Variants in RALGPS1 observed in about 807,000 individuals in gnomAD.
RALGPS1 encodes ras-specific guanine nucleotide-releasing factor RalGPS1.
Under a neutral mutation model 78.8 loss-of-function variants are expected in RALGPS1, and 19 were observed. The observed-to-expected ratio is 0.24, with a 90% CI of 0.17 to 0.35. The LOEUF is 0.35. RALGPS1 is among the 10% of genes least tolerant of loss of function. The probability of loss-of-function intolerance (pLI) is 1.00; values close to 1 mark genes in which losing one functional copy is unlikely to be tolerated. For missense variants in RALGPS1, 454 were observed against 688.3 expected (o/e 0.66, Z 3.81); for synonymous variants, 228 against 256.3 (o/e 0.89, Z 1.06).
At position 127,220,845 on chromosome 9, in the gene RALGPS1, C is replaced by T. The variant is rs1052679407; in HGVS notation, c.*2076C>T. ...AGTATTATAGATGCCAATCCAAAAC[C>T]TCAGAATTTCAGGCACCACAAAAAC... On this transcript the variant is annotated 3_prime_UTR_variant, in exon 19 of 19. Coordinates refer to ENST00000259351, the MANE Select transcript of RALGPS1 (RefSeq NM_014636.3). The T allele has an allele frequency of 1.4e-4, 22 of 152,690 alleles. No individual in the cohort carries two copies. Among genetic ancestry groups the T allele is most frequent in the Admixed American group, 1.4e-3 (21 of 15,294 alleles). 9.5% of individuals were successfully genotyped at this position (152,690 alleles called of 1,614,324 possible).
At chr9:127,191,200 G>A (rs1263141195) in intron 11 of RALGPS1, among the ~76,000 whole-genome samples, 1 of 152,140 alleles carries the variant, frequency 6.6e-6, no homozygotes, top group Admixed American at 6.5e-5. Flanking sequence ...CACTGATTTT[G>A]ATGTCGTTTT....
rs1249841189 is a variant in RALGPS1, at chr9:127,088,952, T to C, written c.610+19596T>C. ...GGGGGAGCTGGCTTAGTGGAAGGTG[T>C]TGGGGTTCGGTCGGATCATCATCAC... On this transcript the variant is annotated intron_variant, in intron 8 of 18. Coordinates refer to ENST00000259351, the MANE Select transcript of RALGPS1 (RefSeq NM_014636.3). The C allele has an allele frequency of 3.7e-6, 6 of 1,614,038 alleles. No homozygotes were observed. Among genetic ancestry groups the C allele is most frequent in the Admixed American group, 1.7e-5 (1 of 60,002 alleles).
chr9:127,191,345 G>T (rs1350929086), intron 11 of RALGPS1, among the ~76,000 whole-genome samples: 1 of 151,672 alleles, frequency 6.6e-6, no homozygotes, highest in Non-Finnish European at 1.5e-5. Flanking sequence ...CAGTAGTTTT[G>T]CTTTTCACAT....
chr9:126,925,949 T>C (rs2130957741), intron 1 of RALGPS1, among the ~76,000 whole-genome samples: 1 of 152,324 alleles, frequency 6.6e-6, no homozygotes, highest in East Asian at 1.9e-4. Flanking sequence ...CCAGCATGGC[T>C]AAAGCACTGA....
intron 4 of RALGPS1, among the ~76,000 whole-genome samples, chr9:126,982,510 A>C (rs997158297): frequency 6.6e-5 from 10 of 152,200 alleles, no homozygotes; most frequent in African/African-American, 2.2e-4. Flanking sequence ...TTAAAACAAC[A>C]ACCACCATTT....
intron 4 of RALGPS1, among the ~76,000 whole-genome samples, chr9:127,017,584 A>G (rs2044974658): frequency 1.3e-5 from 2 of 152,166 alleles, no homozygotes; most frequent in Non-Finnish European, 2.9e-5. Flanking sequence ...ATTTTCTTCA[A>G]TAATAAATTA....
chr9:126,982,604 T>C (rs1320041574), intron 4 of RALGPS1, among the ~76,000 whole-genome samples: 1 of 152,112 alleles, frequency 6.6e-6, no homozygotes, highest in Non-Finnish European at 1.5e-5. Flanking sequence ...CTATTGTTGT[T>C]GTTGTTGTGG....
rs1020883791 is a variant in RALGPS1, at chr9:127,205,557, G to A, written c.1247+6491G>A. 2.0e-5 allele frequency among the ~76,000 whole-genome samples: 3 copies of A among 152,224 alleles called. No homozygotes were observed. The highest frequency in any genetic ancestry group is 2.1e-4 in the South Asian group (1 of 4,832). On this transcript the variant is annotated intron_variant, in intron 14 of 18. Transcript: ENST00000259351. This position sits in a 1 kb window ranked among gnomAD's most constrained non-coding sequence, Gnocchi z 4.0. Reference sequence around the variant, plus strand: ...CTGTTGCTGCTTCATGGGTAGCTGGGAAATCTCTGCCCACAGCTTCTCTGT... The same window carrying A: ...CTGTTGCTGCTTCATGGGTAGCTGGAAAATCTCTGCCCACAGCTTCTCTGT...
At chr9:126,949,235 C>T (rs990409613) in intron 1 of RALGPS1, among the ~76,000 whole-genome samples, 24 of 152,114 alleles carry the variant, frequency 1.6e-4, no homozygotes, top group African/African-American at 5.8e-4. Flanking sequence ...GGGTTGGTTC[C>T]AAGTCTTTGC....
intron 3 of RALGPS1, among the ~76,000 whole-genome samples, chr9:126,972,600 G>A (rs1294832475): frequency 6.6e-6 from 1 of 152,212 alleles, no homozygotes; most frequent in African/African-American, 2.4e-5. Flanking sequence ...ATGCACCTGT[G>A]TCTGATGAAG....
chr9:127,011,190 T>A (rs1021547837), intron 4 of RALGPS1, among the ~76,000 whole-genome samples: 1 of 152,040 alleles, frequency 6.6e-6, no homozygotes, highest in Non-Finnish European at 1.5e-5. Context: ...CCGCCTTTTT[T>A]TTTTGAGATG....
At chr9:127,099,903 C>T (rs1476277866) in intron 8 of RALGPS1, among the ~76,000 whole-genome samples, 1 of 152,186 alleles carries the variant, frequency 6.6e-6, no homozygotes, top group Non-Finnish European at 1.5e-5. Context: ...GGGCATGGTG[C>T]CTGGGGCCAA....
chr9:126,979,574 C>T (rs1564353847), intron 4 of RALGPS1, among the ~76,000 whole-genome samples: 1 of 152,192 alleles, frequency 6.6e-6, no homozygotes, highest in East Asian at 1.9e-4. Flanking sequence ...AGCCCACCTG[C>T]CGTGAGCCCT....
At position 127,151,557 on chromosome 9, in the gene RALGPS1, C is replaced by G. The variant is rs187341468; in HGVS notation, c.611-14512C>G. Among the ~76,000 whole-genome samples, 5 of 152,160 alleles carry G rather than the reference C, an allele frequency of 3.3e-5. No individual in the cohort carries two copies. In the East Asian group the frequency reaches 9.6e-4, roughly 29 times the overall value. ...GGTGGAGTGTATAATTCAATTACAGCGGAGGGGAAAGGGAAATAAAGAGGG... is the reference window on the plus strand; with the variant it reads ...GGTGGAGTGTATAATTCAATTACAGGGGAGGGGAAAGGGAAATAAAGAGGG... On this transcript the variant is annotated intron_variant, in intron 8 of 18. Coordinates refer to ENST00000259351, the MANE Select transcript of RALGPS1 (RefSeq NM_014636.3).
chr9:127,166,278 C>G (rs1198407247), intron 9 of RALGPS1, 72 bp downstream of exon 9: 1 of 1,551,312 alleles, frequency 6.4e-7, no homozygotes, highest in Non-Finnish European at 8.8e-7. Context: ...TGAGAAAGCT[C>G]TAGAAACCTT....
Position 127,218,702 on chromosome 9 carries a change from G to C in RALGPS1, c.1645-38G>C. The C allele has an allele frequency of 4.4e-6, 7 of 1,607,610 alleles. No individual in the cohort carries two copies. The highest frequency in any genetic ancestry group is 6.0e-6 in the Non-Finnish European group (7 of 1,174,036). On this transcript the variant is annotated intron_variant, in intron 18 of 18. Transcript: ENST00000259351. The surrounding 1 kb of genome is among the most constrained non-coding windows in gnomAD (Gnocchi z 4.4). ...CCACCACCCCTTGTCCTTCTCTGAG[G>C]TCGGAACTTTAACAAGAGGCTGAGC...
chr9:127,051,988 C>T (rs945686230), intron 6 of RALGPS1, among the ~76,000 whole-genome samples: 1 of 152,172 alleles, frequency 6.6e-6, no homozygotes, highest in African/African-American at 2.4e-5. Flanking sequence ...TACTGAGCTC[C>T]TGCCCTGGGA....
chr9:127,182,166 A>C, intron 11 of RALGPS1, among the ~76,000 whole-genome samples: 1 of 132,682 alleles, frequency 7.5e-6, no homozygotes, highest in Non-Finnish European at 1.6e-5. Flanking sequence ...ATATGGCAAA[A>C]CCCCATCTGT....
At chr9:127,012,199 T>C (rs1327657983) in intron 4 of RALGPS1, among the ~76,000 whole-genome samples, 1 of 152,158 alleles carries the variant, frequency 6.6e-6, no homozygotes, top group Non-Finnish European at 1.5e-5. Flanking sequence ...CAGTGGAAAA[T>C]ATGAAGTTTT....
Sources: allele counts gnomAD v4.1 joint callset (sites outside exome capture counted in the v4.1 genomes callset), GRCh38; gene constraint gnomAD v4.1.1; non-coding constraint Gnocchi (gnomAD v3.1); transcripts MANE v1.5; gene names NCBI Gene and HGNC (gene_info 2026-07-23, HGNC 2026-07-21).